The following SEMA6A variants were observed in gnomAD, a reference collection of about 807,000 sequenced individuals.
SEMA6A encodes semaphorin-6A.
SEMA6A carries 25 observed loss-of-function variants against 96.8 expected under a neutral mutation model. That is an observed-to-expected ratio of 0.26 (90% CI 0.19 to 0.36). The LOEUF is 0.36. SEMA6A is among the 10% of genes least tolerant of loss of function. The pLI is 1.00. For synonymous variants in SEMA6A, 612 were observed against 518.0 expected, an observed-to-expected ratio of 1.18 and a Z score of -2.46; for missense variants, 1,363 against 1,323.1, an observed-to-expected ratio of 1.03 and a Z score of -0.47.
intron 1 of SEMA6A, among the ~76,000 whole-genome samples, chr5:116,544,401 C>T (rs568384940): frequency 2.0e-5 from 3 of 152,202 alleles, no homozygotes; most frequent in South Asian, 4.2e-4. Context: ...AGCAATCCTC[C>T]CACCTCAGCC....
intron 1 of SEMA6A, among the ~76,000 whole-genome samples, chr5:116,558,236 A>G (rs934967544): frequency 6.6e-6 from 1 of 152,112 alleles, no homozygotes; most frequent in Non-Finnish European, 1.5e-5. Flanking sequence ...TTATTTAGAA[A>G]CCCCACAAAG....
chr5:116,467,777 A>C (rs771790543), intron 17 of SEMA6A, 30 bp from the exon 18 acceptor site: 2 of 1,610,718 alleles, frequency 1.2e-6, no homozygotes, highest in South Asian at 2.2e-5. Context: ...AGTTAGGAAA[A>C]CATCACCAGA....
chr5:116,487,048 C>A (rs1328614338), intron 9 of SEMA6A, 82 bp from the exon 10 acceptor site: 24 of 919,188 alleles, frequency 2.6e-5, no homozygotes, highest in Admixed American at 4.2e-5. Flanking sequence ...TCCTTGAAAA[C>A]AGAAACAAAA....
intron 6 of SEMA6A, among the ~76,000 whole-genome samples, chr5:116,494,782 G>A (rs1260150473): frequency 1.3e-5 from 2 of 152,210 alleles, no homozygotes; most frequent in East Asian, 1.9e-4. Context: ...CAGTGGTGCA[G>A]CCAAGACCTC....
chr5:116,447,290 G>A lies in SEMA6A; in HGVS notation c.2416C>T (p.Arg806Trp), dbSNP rs767361432. ...SPVIPTDLPL[R>W]ASPSHIPSVV... is the part of the protein sequence containing the mutation. ...CTGGGGATGTGGCTGGGGGAGGCCC[G>A]CAGGGGCAGGTCCGTGGGAATCACA... The change falls in exon 19 of 19, where the codon CGG becomes TGG. Residue 806 changes from arginine (R) to tryptophan (W), a missense_variant. Physicochemically the swap from Arg to Trp is moderately radical, Grantham distance 101. This residue lies in a region of SEMA6A where 883 missense variants were observed against 763.6 expected (regional missense o/e 1.16). Coordinates refer to ENST00000343348, the MANE Select transcript of SEMA6A (RefSeq NM_020796.5). The A allele has an allele frequency of 1.9e-6, 3 of 1,613,748 alleles. No homozygotes were observed. Among genetic ancestry groups the A allele is most frequent in the Non-Finnish European group, 1.7e-6 (2 of 1,179,900 alleles).
At chr5:116,478,920 G>T (rs888199144) in intron 12 of SEMA6A, among the ~76,000 whole-genome samples, 2 of 104,658 alleles carry the variant, frequency 1.9e-5, no homozygotes, top group Admixed American at 2.0e-4. Context: ...GAGGAAGGAG[G>T]TGTGAGAGAG....
At chr5:116,566,060 T>C (rs984371120) in intron 1 of SEMA6A, among the ~76,000 whole-genome samples, 1 of 152,208 alleles carries the variant, frequency 6.6e-6, no homozygotes, top group Non-Finnish European at 1.5e-5. Flanking sequence ...TCATAGAACA[T>C]TAAAACATAA....
At position 116,496,305 on chromosome 5, in the gene SEMA6A, T is replaced by C. The variant is rs1430227988; in HGVS notation, c.288A>G (p.Thr96=). ...CTACATCGGCCTGTCTAGATTTCCA[T>C]GTCAGTTTCTGCAGGGATCAAGAAA... ...TEEIYCSKKL[T]WKSRQADVDT... is the part of the protein sequence containing the mutation. The change falls in exon 5 of 19, where the codon ACA becomes ACG. Residue 96 remains threonine (T), a synonymous_variant. Coordinates refer to ENST00000343348, the MANE Select transcript of SEMA6A (RefSeq NM_020796.5). The C allele has an allele frequency of 5.6e-6, 9 of 1,613,584 alleles. No individual in the cohort carries two copies. In the Admixed American group the frequency reaches 1.3e-4, roughly 24 times the overall value.
At chr5:116,497,152 T>C (rs556843913) in intron 4 of SEMA6A, among the ~76,000 whole-genome samples, 175 bp downstream of exon 4, 28 of 152,348 alleles carry the variant, frequency 1.8e-4, no homozygotes, top group Admixed American at 1.8e-3. Flanking sequence ...TACATAACTG[T>C]TTCTGAACAT....
chr5:116,488,041 C>T (rs1757142717), intron 9 of SEMA6A, 67 bp downstream of exon 9: 2 of 1,037,350 alleles, frequency 1.9e-6, no homozygotes, highest in Admixed American at 4.3e-5. Flanking sequence ...TTTATAACAA[C>T]ATTTGACCAA....
At chr5:116,526,708 T>G (rs1174342641) in intron 1 of SEMA6A, among the ~76,000 whole-genome samples, 1 of 152,238 alleles carries the variant, frequency 6.6e-6, no homozygotes, top group African/African-American at 2.4e-5. Context: ...TACTATAGAT[T>G]GCACTAGGCT....
chr5:116,528,374 C>T (rs908593902), intron 1 of SEMA6A, among the ~76,000 whole-genome samples: 1 of 152,140 alleles, frequency 6.6e-6, no homozygotes, highest in African/African-American at 2.4e-5. Flanking sequence ...TGACCAATGC[C>T]TCCTGCCCAG....
At chr5:116,574,010 C>T (rs973996837) in intron 1 of SEMA6A, among the ~76,000 whole-genome samples, 175 bp downstream of exon 1, 2 of 151,622 alleles carry the variant, frequency 1.3e-5, no homozygotes, top group African/African-American at 4.9e-5. Flanking sequence ...GAAAGGCAGG[C>T]AGGGCTCACG....
At chr5:116,487,457 A>C (rs566325535) in intron 9 of SEMA6A, among the ~76,000 whole-genome samples, 79 of 152,288 alleles carry the variant, frequency 5.2e-4, no homozygotes, top group African/African-American at 1.6e-3. Context: ...AAAGACAAAA[A>C]TCAAAACTCA....
intron 12 of SEMA6A, among the ~76,000 whole-genome samples, chr5:116,479,762 G>A (rs1756655784): frequency 6.6e-6 from 1 of 152,184 alleles, no homozygotes; most frequent in South Asian, 2.1e-4. Context: ...GGAATCTGCT[G>A]CAAGTTTTGT....
At chr5:116,493,310 A>T (rs1179408405) in intron 6 of SEMA6A, among the ~76,000 whole-genome samples, 1 of 152,242 alleles carries the variant, frequency 6.6e-6, no homozygotes, top group African/African-American at 2.4e-5. Flanking sequence ...AGTCCTAAAC[A>T]ATGACAAACA....
At chr5:116,460,062 A>G (rs1561469371) in intron 18 of SEMA6A, among the ~76,000 whole-genome samples, 1 of 152,070 alleles carries the variant, frequency 6.6e-6, no homozygotes, top group Non-Finnish European at 1.5e-5. Flanking sequence ...TGATAAAAAA[A>G]TAAAAATAAA....
chr5:116,517,166 T>A (rs1758708543), intron 1 of SEMA6A, among the ~76,000 whole-genome samples: 1 of 152,196 alleles, frequency 6.6e-6, no homozygotes, highest in Admixed American at 6.5e-5. Flanking sequence ...TAGTCCTTAT[T>A]TATCCCTCTT....
At chr5:116,528,858 G>A (rs962744105) in intron 1 of SEMA6A, among the ~76,000 whole-genome samples, 5 of 152,182 alleles carry the variant, frequency 3.3e-5, no homozygotes, top group African/African-American at 1.2e-4. Context: ...GTGAATGGCT[G>A]TACCCTGGGA....
Sources: allele counts gnomAD v4.1 joint callset (sites outside exome capture counted in the v4.1 genomes callset), GRCh38; gene constraint gnomAD v4.1.1; regional missense constraint gnomAD v4.1.1; transcripts MANE v1.5; gene names NCBI Gene and HGNC (gene_info 2026-07-23, HGNC 2026-07-21).